NCKAP5: variants seen among roughly 807,000 people sequenced by gnomAD.
NCKAP5 encodes the protein NCK associated protein 5.
In NCKAP5, 92 loss-of-function variants were observed where a neutral mutation model predicts 167.0. The ratio of observed to expected loss-of-function variants is 0.55; its 90% CI spans 0.47 to 0.66. The LOEUF (loss-of-function observed/expected upper bound fraction) is 0.66. Ranked by LOEUF, NCKAP5 falls within the 30% of genes least tolerant of loss-of-function variation. The pLI is 0.00. For missense variants in NCKAP5, 2,378 were observed against 2,315.0 expected (o/e 1.03, Z -0.56); for synonymous variants, 891 against 877.4 (o/e 1.02, Z -0.27).
chr2:132,673,366 C>A, intron 19 of NCKAP5, 61 bp from the exon 20 acceptor site: 1 of 1,288,022 alleles, frequency 7.8e-7, no homozygotes, highest in South Asian at 1.4e-5. Context: ...GTTATCCTAT[C>A]TAATATTCAA....
At chr2:133,102,789 ACT>A (rs1553537400) in intron 6 of NCKAP5, among the ~76,000 whole-genome samples, 1 of 147,370 alleles carries the variant, frequency 6.8e-6, no homozygotes, top group African/African-American at 2.6e-5. Context: ...ACACACACAC[ACT>A]GTACATAAAC....
intron 3 of NCKAP5, among the ~76,000 whole-genome samples, chr2:133,503,238 C>T (rs1682696512): frequency 6.6e-6 from 1 of 152,192 alleles, no homozygotes; most frequent in African/African-American, 2.4e-5. Context: ...TGGAATGCTC[C>T]TTTCTGCTCA....
At chr2:133,268,479 C>CTTTTTT (rs993086767) in intron 4 of NCKAP5, 9 of 122,406 alleles carry the variant, frequency 7.4e-5, no homozygotes, top group South Asian at 2.7e-4. Flanking sequence ...ATTTTACAGC[C>CTTTTTT]TTTTTTTTTT....
rs76296716 is a variant in NCKAP5, at chr2:133,382,998, G to T, written c.70-79888C>A. 6.9e-3 allele frequency among the ~76,000 whole-genome samples: 1,057 copies of T among 152,182 alleles called. 18 individuals are homozygous for T. The highest frequency in any genetic ancestry group is 0.024 in the African/African-American group (1,003 of 41,524). ...TATTTAAGCATAAGCCACTGATTAT[G>T]CTTAAATTATTATTCACAGCTTCCA... On this transcript the variant is annotated intron_variant, in intron 3 of 19. Coordinates refer to ENST00000409261, the MANE Select transcript of NCKAP5 (RefSeq NM_207363.3).
intron 3 of NCKAP5, among the ~76,000 whole-genome samples, chr2:133,390,679 C>A (rs755014674): frequency 1.3e-5 from 2 of 152,128 alleles, no homozygotes; most frequent in Non-Finnish European, 2.9e-5. Context: ...ACCCTCACTG[C>A]AAATTAAAAT....
chr2:132,980,998 C>A (rs150320939), intron 7 of NCKAP5, among the ~76,000 whole-genome samples: 88 of 152,246 alleles, frequency 5.8e-4, no homozygotes, highest in Middle Eastern at 3.4e-3. Flanking sequence ...AAGGGATAGG[C>A]TTGGCCTTAA....
In NCKAP5 at chr2:133,507,687, C is replaced by T. The variant is rs184654236; in HGVS notation, c.69+9771G>A. ...GCAGTGCCTCTGGTGTTAACTGAAG[C>T]GTTTGAATATGATGGCTCCTGGATT... On this transcript the variant is annotated intron_variant, in intron 3 of 19. Coordinates refer to ENST00000409261, the MANE Select transcript of NCKAP5 (RefSeq NM_207363.3). 4.6e-5 allele frequency among the ~76,000 whole-genome samples: 7 copies of T among 152,202 alleles called. No individual in the cohort carries two copies. The East Asian group carries it at 7.7e-4, about 17-fold the overall frequency.
At chr2:132,902,275 A>T (rs1693684829) in intron 8 of NCKAP5, among the ~76,000 whole-genome samples, 1 of 152,242 alleles carries the variant, frequency 6.6e-6, no homozygotes, top group Admixed American at 6.5e-5. Context: ...TAAAGAAGGC[A>T]TTTATCAGAC....
At chr2:132,814,657 T>C (rs1391109509) in intron 11 of NCKAP5, among the ~76,000 whole-genome samples, 1 of 152,160 alleles carries the variant, frequency 6.6e-6, no homozygotes, top group African/African-American at 2.4e-5. Context: ...GAGATAGAAG[T>C]GATCTCAAGA....
rs557445688 is a variant in NCKAP5 at position 133,531,631 on chromosome 2, AG to A, written c.-61-14045del. ...TTGACCAGGGAAGCAAGTTTTTAGCAGAAACTTTTGCTCCTGACTTCAGTAG... is the reference window on the plus strand; with the variant it reads ...TTGACCAGGGAAGCAAGTTTTTAGCAAAACTTTTGCTCCTGACTTCAGTAG... On this transcript the variant is annotated intron_variant, in intron 2 of 19. Transcript: ENST00000409261. Among the ~76,000 whole-genome samples, 10 of 152,304 alleles carry A rather than the reference AG, an allele frequency of 6.6e-5. No individual in the cohort carries two copies. The South Asian group carries it at 1.9e-3, about 28-fold the overall frequency.
chr2:132,815,378 T>C (rs1252697298), intron 11 of NCKAP5, among the ~76,000 whole-genome samples: 1 of 152,170 alleles, frequency 6.6e-6, no homozygotes, highest in Non-Finnish European at 1.5e-5. Context: ...AGACTAATTA[T>C]TATTGTAAAA....
At chr2:133,397,464 G>C (rs1687802435) in intron 3 of NCKAP5, among the ~76,000 whole-genome samples, 1 of 152,182 alleles carries the variant, frequency 6.6e-6, no homozygotes, top group Admixed American at 6.5e-5. Context: ...TTGATAATTA[G>C]GGAACTTTGA....
intron 5 of NCKAP5, among the ~76,000 whole-genome samples, chr2:133,142,540 T>C (rs1308501566): frequency 6.6e-6 from 1 of 152,114 alleles, no homozygotes; most frequent in Admixed American, 6.6e-5. Context: ...CTCCTGGCAA[T>C]GTTTAGCCCT....
intron 13 of NCKAP5, 22 bp downstream of exon 13, chr2:132,790,001 T>C (rs1683925401): frequency 2.5e-6 from 4 of 1,591,176 alleles, no homozygotes; most frequent in Non-Finnish European, 3.4e-6. Context: ...TTCTGGTTCA[T>C]TCCGATGCCA....
At chr2:133,674,485 T>G in the NCKAP5 span, among the ~76,000 whole-genome samples, 1 of 151,970 alleles carries the variant, frequency 6.6e-6, no homozygotes, top group Non-Finnish European at 1.5e-5. Context: ...CCACGTGCCA[T>G]GTAATGCCCT....
At chr2:133,664,710 G>A in the NCKAP5 span, among the ~76,000 whole-genome samples, 2 of 152,094 alleles carry the variant, frequency 1.3e-5, no homozygotes, top group African/African-American at 4.8e-5. Flanking sequence ...ATGTTGGCCA[G>A]GATGGTCTCA....
At chr2:132,678,007 T>A (rs1684722948) in intron 19 of NCKAP5, among the ~76,000 whole-genome samples, 1 of 148,666 alleles carries the variant, frequency 6.7e-6, no homozygotes. Flanking sequence ...TTCACAGTAG[T>A]TTTTTTTATA....
chr2:133,592,091 T>C, the NCKAP5 span, among the ~76,000 whole-genome samples: 2 of 151,600 alleles, frequency 1.3e-5, no homozygotes, highest in South Asian at 2.1e-4. Context: ...CACAGGGGTA[T>C]GAAACATTTT....
chr2:133,563,968 T>C (rs1161641384), intron 1 of NCKAP5, among the ~76,000 whole-genome samples: 1 of 152,158 alleles, frequency 6.6e-6, no homozygotes, highest in African/African-American at 2.4e-5. Context: ...ACCCTATCTC[T>C]ACTAAAAATA....
Sources: allele counts gnomAD v4.1 joint callset (sites outside exome capture counted in the v4.1 genomes callset), GRCh38; gene constraint gnomAD v4.1.1; transcripts MANE v1.5; gene names NCBI Gene and HGNC (gene_info 2026-07-23, HGNC 2026-07-21).